Variants in JARID2 observed in about 807,000 individuals in gnomAD.
JARID2 encodes the protein protein Jumonji.
Under a neutral mutation model 125.6 loss-of-function variants are expected in JARID2, and 21 were observed. That is an observed-to-expected ratio of 0.17 (90% CI 0.12 to 0.24). The LOEUF is 0.24. Among genes scored for constraint, JARID2 ranks in the 10% least tolerant of loss-of-function variants. The pLI, the probability that JARID2 is intolerant of heterozygous loss-of-function variation, is 1.00. For synonymous variants in JARID2, 736 were observed against 661.6 expected, an observed-to-expected ratio of 1.11 and a Z score of -1.73; for missense variants, 1,303 against 1,639.6, an observed-to-expected ratio of 0.79 and a Z score of 3.55.
At position 15,430,992 on chromosome 6, in the gene JARID2, G is replaced by A. The variant is rs186860104; in HGVS notation, c.323+20627G>A. Among the ~76,000 whole-genome samples the A allele has an allele frequency of 2.1e-3, 325 of 152,292 alleles. 1 individual carries two copies. The highest frequency in any genetic ancestry group is 4.2e-3 in the Admixed American group (64 of 15,306). ...AAATATGTTTGCATTCACTGTGACA[G>A]CCTGTAGACTATTGGTACCGTGCAG... On this transcript the variant is annotated intron_variant, in intron 3 of 17. Transcript: ENST00000341776.
At chr6:15,476,463 G>A (rs1452268549) in intron 5 of JARID2, among the ~76,000 whole-genome samples, 2 of 152,180 alleles carry the variant, frequency 1.3e-5, no homozygotes, top group African/African-American at 4.8e-5. Context: ...CAGGAGTCCT[G>A]ATGCCAGTAG....
intron 1 of JARID2, among the ~76,000 whole-genome samples, chr6:15,295,178 G>T (rs1381158106): frequency 6.9e-6 from 1 of 145,334 alleles, no homozygotes; most frequent in East Asian, 2.0e-4. Flanking sequence ...CTGGAGTGCA[G>T]TGACGCCATC....
At chr6:15,411,730 A>G (rs961237866) in intron 3 of JARID2, among the ~76,000 whole-genome samples, 1 of 152,242 alleles carries the variant, frequency 6.6e-6, no homozygotes, top group African/African-American at 2.4e-5. Context: ...CCATGCCTCC[A>G]ACATGGGCAT....
intron 5 of JARID2, among the ~76,000 whole-genome samples, chr6:15,472,266 C>G (rs1769113721): frequency 6.6e-6 from 1 of 151,998 alleles, no homozygotes; most frequent in Non-Finnish European, 1.5e-5. Flanking sequence ...CTCTTCCGCC[C>G]TGTCTCTTCT....
intron 1 of JARID2, among the ~76,000 whole-genome samples, chr6:15,369,052 G>T (rs79433052): frequency 6.6e-6 from 1 of 151,774 alleles, no homozygotes; most frequent in African/African-American, 2.4e-5. Context: ...AGCCCGGACC[G>T]TCAGCTGTGG....
intron 3 of JARID2, among the ~76,000 whole-genome samples, chr6:15,428,569 C>G (rs1482377277): frequency 6.6e-6 from 1 of 152,050 alleles, no homozygotes; most frequent in African/African-American, 2.4e-5. Context: ...TGGTTTCCAG[C>G]TTCATCCATG....
At chr6:15,278,339 C>A (rs1210462704) in intron 1 of JARID2, among the ~76,000 whole-genome samples, 1 of 152,160 alleles carries the variant, frequency 6.6e-6, no homozygotes, top group African/African-American at 2.4e-5. Context: ...GTAATCCCAG[C>A]ACTTTGGGAG....
At chr6:15,372,741 A>ACT (rs1764219974) in intron 1 of JARID2, among the ~76,000 whole-genome samples, 1 of 146,694 alleles carries the variant, frequency 6.8e-6, no homozygotes, top group African/African-American at 2.5e-5. Flanking sequence ...ACTGAGTCTC[A>ACT]CTCTGTCTCC....
At chr6:15,315,605 A>C (rs1762152966) in intron 1 of JARID2, among the ~76,000 whole-genome samples, 1 of 152,226 alleles carries the variant, frequency 6.6e-6, no homozygotes, top group African/African-American at 2.4e-5. Context: ...GAGATGAGAT[A>C]CGGTCAAAAA....
intron 1 of JARID2, among the ~76,000 whole-genome samples, chr6:15,320,051 C>T (rs1176418871): frequency 6.6e-6 from 1 of 152,120 alleles, no homozygotes; most frequent in East Asian, 1.9e-4. Flanking sequence ...ATTAGTAGAA[C>T]CTGATTACTT....
intron 2 of JARID2, among the ~76,000 whole-genome samples, chr6:15,388,960 G>GT (rs1399915747): frequency 1.3e-5 from 2 of 152,074 alleles, no homozygotes; most frequent in African/African-American, 2.4e-5. Context: ...CTGCAGTTAG[G>GT]TGGGTGCCTG....
chr6:15,253,763 G>A (rs1201641003), intron 1 of JARID2, among the ~76,000 whole-genome samples: 1 of 152,164 alleles, frequency 6.6e-6, no homozygotes, highest in Non-Finnish European at 1.5e-5. Flanking sequence ...TCCAGATGAC[G>A]ACACAACACC....
chr6:15,340,633 A>G (rs1763035975), intron 1 of JARID2, among the ~76,000 whole-genome samples: 1 of 152,210 alleles, frequency 6.6e-6, no homozygotes, highest in South Asian at 2.1e-4. Flanking sequence ...ATTCATTCCT[A>G]GGACTTAGGA....
chr6:15,436,342 G>A (rs547769996), intron 3 of JARID2, among the ~76,000 whole-genome samples: 121 of 152,328 alleles, frequency 7.9e-4, no homozygotes, highest in Non-Finnish European at 1.5e-3. Context: ...CGGGCTGCAC[G>A]CTGGTCGATG....
At chr6:15,363,594 G>T (rs1763873192) in intron 1 of JARID2, among the ~76,000 whole-genome samples, 1 of 152,162 alleles carries the variant, frequency 6.6e-6, no homozygotes, top group South Asian at 2.1e-4. Context: ...AACATAAAAG[G>T]CGAGTAAGAC....
At chr6:15,416,052 G>A (rs1766184649) in intron 3 of JARID2, among the ~76,000 whole-genome samples, 1 of 151,900 alleles carries the variant, frequency 6.6e-6, no homozygotes, top group Non-Finnish European at 1.5e-5. Flanking sequence ...CCCAGACGGG[G>A]CGGCGGGGCA....
intron 5 of JARID2, among the ~76,000 whole-genome samples, chr6:15,473,514 G>GGGCCCCCC (rs1769181602): frequency 1.1e-4 from 4 of 35,068 alleles, no homozygotes; most frequent in Non-Finnish European, 2.2e-4. Context: ...TGATGTGCGT[G>GGGCCCCCC]CCCCCCCCCC....
At chr6:15,292,918 C>T (rs759128848) in intron 1 of JARID2, among the ~76,000 whole-genome samples, 13 of 152,218 alleles carry the variant, frequency 8.5e-5, no homozygotes, top group Non-Finnish European at 1.9e-4. Context: ...ATCCTCCTGC[C>T]TCCACCTTCC....
intron 1 of JARID2, among the ~76,000 whole-genome samples, chr6:15,354,987 A>G (rs930117362): frequency 2.0e-5 from 3 of 152,222 alleles, no homozygotes; most frequent in African/African-American, 7.2e-5. Flanking sequence ...GACCATGATA[A>G]GAGTTCAAGA....
Sources: allele counts gnomAD v4.1 joint callset (sites outside exome capture counted in the v4.1 genomes callset), GRCh38; gene constraint gnomAD v4.1.1; transcripts MANE v1.5; gene names NCBI Gene and HGNC (gene_info 2026-07-23, HGNC 2026-07-21).